Variants in ADAMTSL1 observed in about 807,000 individuals in gnomAD.
The protein encoded by ADAMTSL1 is ADAMTS-like protein 1.
Under a neutral mutation model 201.8 loss-of-function variants are expected in ADAMTSL1, and 126 were observed. The ratio of observed to expected loss-of-function variants is 0.62; its 90% CI spans 0.54 to 0.72. The LOEUF (loss-of-function observed/expected upper bound fraction) is 0.72. Among genes scored for constraint, ADAMTSL1 ranks in the 30% least tolerant of loss-of-function variants. ADAMTSL1 has a pLI of 0.00. For missense variants in ADAMTSL1, 2,679 were observed against 2,277.8 expected, an observed-to-expected ratio of 1.18 and a Z score of -3.59; for synonymous variants, 1,121 against 903.4, an observed-to-expected ratio of 1.24 and a Z score of -4.32.
intron 14 of ADAMTSL1, among the ~76,000 whole-genome samples, chr9:18,713,310 G>A (rs1416472267): frequency 6.6e-6 from 1 of 152,092 alleles, no homozygotes; most frequent in African/African-American, 2.4e-5. Flanking sequence ...CTGGCAAATT[G>A]GATAAAGAGT....
intron 2 of ADAMTSL1, among the ~76,000 whole-genome samples, chr9:18,171,873 G>A (rs886454323): frequency 3.9e-5 from 6 of 152,016 alleles, no homozygotes; most frequent in African/African-American, 1.4e-4. Flanking sequence ...GTAAGGAAGG[G>A]ATCCAGTTTC....
chr9:18,428,150 A>G (rs1042320488), intron 2 of ADAMTSL1, among the ~76,000 whole-genome samples: 3 of 152,240 alleles, frequency 2.0e-5, no homozygotes, highest in Non-Finnish European at 2.9e-5. Flanking sequence ...ACAAAATTCA[A>G]TAGGCATTTA....
At chr9:18,099,134 G>T (rs1340030018) in intron 1 of ADAMTSL1, among the ~76,000 whole-genome samples, 1 of 147,692 alleles carries the variant, frequency 6.8e-6, no homozygotes, top group African/African-American at 2.5e-5. Flanking sequence ...TTATTTGTTT[G>T]TTTTTGGTGC....
chr9:18,889,462 C>A (rs1473611428), intron 24 of ADAMTSL1, 106 bp from the exon 25 acceptor site: 1 of 1,248,466 alleles, frequency 8.0e-7, no homozygotes, highest in East Asian at 2.6e-5. Flanking sequence ...CTCCTTCAGG[C>A]CACAAATCCA....
rs1355064254 is a variant in ADAMTSL1 at position 18,743,973 on chromosome 9, A to C, written c.2007-9325A>C. Among the ~76,000 whole-genome samples, 3 of 152,150 alleles carry C rather than the reference A, an allele frequency of 2.0e-5. No individual in the cohort carries two copies. In the East Asian group the frequency reaches 5.8e-4, roughly 29 times the overall value. ...TCACTCCTCCAGTCCTTAGAGACTG[A>C]GCAGGGTAGAGGAGTAACCCAAGTG... On this transcript the variant is annotated intron_variant, in intron 15 of 28. Transcript: ENST00000380548.
chr9:18,215,583 C>CT (rs1337334139), intron 2 of ADAMTSL1, among the ~76,000 whole-genome samples: 1 of 152,138 alleles, frequency 6.6e-6, no homozygotes. Flanking sequence ...AGCTGCACTC[C>CT]TTTTTTCAAT....
At chr9:18,138,725 G>T (rs1033552056) in intron 1 of ADAMTSL1, among the ~76,000 whole-genome samples, 17 of 152,030 alleles carry the variant, frequency 1.1e-4, no homozygotes, top group African/African-American at 3.4e-4. Flanking sequence ...GGAGGGTGAG[G>T]TTATGCTTTC....
At chr9:18,801,723 A>G (rs1822818357) in intron 20 of ADAMTSL1, among the ~76,000 whole-genome samples, 1 of 152,176 alleles carries the variant, frequency 6.6e-6, no homozygotes, top group Admixed American at 6.5e-5. Flanking sequence ...GCTGCATAGT[A>G]TTCCATGATG....
At chr9:18,298,992 A>G (rs1266742525) in intron 2 of ADAMTSL1, among the ~76,000 whole-genome samples, 2 of 147,662 alleles carry the variant, frequency 1.4e-5, no homozygotes, top group Non-Finnish European at 3.0e-5. Context: ...AGCCTGGGCG[A>G]CAGAGCCAGA....
At chr9:18,590,619 A>G (rs1351311070) in intron 4 of ADAMTSL1, among the ~76,000 whole-genome samples, 1 of 151,600 alleles carries the variant, frequency 6.6e-6, no homozygotes, top group Non-Finnish European at 1.5e-5. Context: ...TTGTTTATTT[A>G]GATTATTTAT....
At chr9:18,273,593 T>C (rs935106387) in intron 2 of ADAMTSL1, among the ~76,000 whole-genome samples, 38 of 152,334 alleles carry the variant, frequency 2.5e-4, no homozygotes, top group African/African-American at 8.9e-4. Flanking sequence ...GAAAATATAT[T>C]CTCAACAAAT....
intron 23 of ADAMTSL1, among the ~76,000 whole-genome samples, chr9:18,871,077 C>T (rs1827847594): frequency 1.3e-5 from 2 of 152,080 alleles, no homozygotes; most frequent in Non-Finnish European, 2.9e-5. Context: ...GATAGGTGTC[C>T]ATGGCATTAA....
chr9:18,032,163 A>T lies in ADAMTSL1; in HGVS notation c.87+125241A>T, dbSNP rs140329293. Among the ~76,000 whole-genome samples, 308 of 152,182 alleles carry T rather than the reference A, an allele frequency of 2.0e-3. 1 individual carries two copies. Among genetic ancestry groups the T allele is most frequent in the African/African-American group, 7.0e-3 (290 of 41,534 alleles). The stretch of plus-strand genomic sequence containing the variant: ...GAAGCTGTGGCTGGCCAACAGCTAC[A>T]CCCTTCCTGGACCAGTCTTGCAAAG... On this transcript the variant is annotated intron_variant, in intron 1 of 29. Transcript: ENST00000680146.
chr9:18,471,385 C>G (rs755571327), upstream of ADAMTSL1, among the ~76,000 whole-genome samples: 34 of 152,178 alleles, frequency 2.2e-4, no homozygotes, highest in African/African-American at 2.9e-4. Context: ...AGTCACTTAA[C>G]TTCTCTGAGC....
intron 2 of ADAMTSL1, among the ~76,000 whole-genome samples, chr9:18,327,110 C>G (rs1217719976): frequency 1.3e-5 from 2 of 152,170 alleles, no homozygotes; most frequent in Non-Finnish European, 2.9e-5. Flanking sequence ...CTGGTACTCT[C>G]CTTTTGAGTT....
chr9:18,573,970 G>A (rs1174148154), intron 3 of ADAMTSL1, 60 bp from the exon 4 acceptor site: 11 of 1,410,136 alleles, frequency 7.8e-6, no homozygotes, highest in Non-Finnish European at 9.8e-6. Flanking sequence ...AGCTGCTCTG[G>A]TTTCATGTTT....
intron 2 of ADAMTSL1, among the ~76,000 whole-genome samples, chr9:18,510,305 C>T (rs189951248): frequency 5.9e-5 from 9 of 152,284 alleles, no homozygotes; most frequent in Admixed American, 1.3e-4. Context: ...TGTGAGGAGA[C>T]TTGGTTTACC....
intron 15 of ADAMTSL1, among the ~76,000 whole-genome samples, chr9:18,748,509 A>T (rs988552355): frequency 1.3e-5 from 2 of 152,216 alleles, no homozygotes; most frequent in East Asian, 3.9e-4. Context: ...GCAGCCTGTC[A>T]AAAGCATGTC....
At chr9:18,647,810 T>C (rs949184170) in intron 7 of ADAMTSL1, among the ~76,000 whole-genome samples, 2 of 151,884 alleles carry the variant, frequency 1.3e-5, no homozygotes, top group African/African-American at 4.9e-5. Flanking sequence ...CTTCCAAGTA[T>C]GTGGTCAATT....
Sources: allele counts gnomAD v4.1 joint callset (sites outside exome capture counted in the v4.1 genomes callset), GRCh38; gene constraint gnomAD v4.1.1; transcripts MANE v1.5; gene names NCBI Gene and HGNC (gene_info 2026-07-23, HGNC 2026-07-21).